BLOC1S3: variants seen among roughly 807,000 people sequenced by gnomAD.
The protein encoded by BLOC1S3 is biogenesis of lysosomal organelles complex 1 subunit 3, also known as biogenesis of lysosome-related organelles complex 1 subunit 3.
A neutral mutation model predicts 9.1 loss-of-function variants in BLOC1S3; 7 were observed. The observed-to-expected ratio is 0.77, with a 90% CI of 0.44 to 1.45. The LOEUF (loss-of-function observed/expected upper bound fraction) is 1.45. Among genes scored for constraint, BLOC1S3 ranks in the 40% most tolerant of loss-of-function variants. The probability of loss-of-function intolerance (pLI) is 0.01; values close to 1 mark genes in which losing one functional copy is unlikely to be tolerated. For missense variants in BLOC1S3, 307 were observed against 315.2 expected (o/e 0.97, Z 0.20); for synonymous variants, 145 against 158.4 (o/e 0.92, Z 0.64).
intron 3 of BLOC1S3, among the ~76,000 whole-genome samples, chr19:45,206,450 GTT>G (rs1054281226): frequency 2.5e-4 from 14 of 55,150 alleles, no homozygotes; most frequent in African/African-American, 1.1e-3. Context: ...GATTAATCAA[GTT>G]TTTTTTTTTT....
At position 45,180,144 on chromosome 19, in the gene BLOC1S3, G is replaced by A; in HGVS notation, c.*239G>A. The A allele has an allele frequency of 2.2e-6, 1 of 452,138 alleles. No homozygotes were observed. Among genetic ancestry groups the A allele is most frequent in the East Asian group, 3.8e-5 (1 of 26,420 alleles). 28.0% of individuals were successfully genotyped at this position (452,138 alleles called of 1,614,324 possible). A position where few individuals can be genotyped will look rare whatever the true frequency, so the allele number is the denominator to read the frequency against. On this transcript the variant is annotated 3_prime_UTR_variant, in exon 2 of 2. Coordinates refer to ENST00000433642, the MANE Select transcript of BLOC1S3 (RefSeq NM_212550.5). ...TGGTTCCTCTCCCGATCCTGACCCT[G>A]CCGCCTGGTTCTGAGCCTTCCCCTG...
At chr19:45,194,102 C>CAA (rs1969629626) in intron 2 of BLOC1S3, among the ~76,000 whole-genome samples, 1 of 45,118 alleles carries the variant, frequency 2.2e-5, no homozygotes, top group African/African-American at 1.2e-4. Context: ...CGCGCCTGGC[C>CAA]TTTTTTTTTT....
chr19:45,203,212 A>C (rs1480821805), intron 3 of BLOC1S3, among the ~76,000 whole-genome samples: 1 of 152,078 alleles, frequency 6.6e-6, no homozygotes, highest in African/African-American at 2.4e-5. Flanking sequence ...CCAGCAAGGC[A>C]CCAGGACTTG....
intron 2 of BLOC1S3, chr19:45,199,122 T>G (rs1969670591): frequency 6.6e-6 from 1 of 152,186 alleles, no homozygotes; most frequent in African/African-American, 2.4e-5. Flanking sequence ...GGGTTAAATC[T>G]GCCTAGTGTT....
At chr19:45,206,023 G>C (rs1204619146) in intron 3 of BLOC1S3, among the ~76,000 whole-genome samples, 1 of 152,004 alleles carries the variant, frequency 6.6e-6, no homozygotes, top group East Asian at 1.9e-4. Context: ...GACCAACTTG[G>C]GCAACATACT....
In BLOC1S3 at chr19:45,207,884, CTAA is replaced by C. The variant is rs1156364121; in HGVS notation, n.282+5379_282+5381del. Among the ~76,000 whole-genome samples, 5 of 151,898 alleles carry C rather than the reference CTAA, an allele frequency of 3.3e-5. No individual in the cohort carries two copies. The East Asian group carries it at 9.6e-4, about 29-fold the overall frequency. ...GGAAGATTAAGGTCTTAGAATTGAA[CTAA>C]TGTCAATGTCCTGTTTTGATGTTGT... On this transcript the variant is annotated intron_variant and non_coding_transcript_variant, in intron 3 of 3. Transcript: ENST00000591569.
intron 2 of BLOC1S3, among the ~76,000 whole-genome samples, chr19:45,188,074 G>A (rs1320173329): frequency 1.3e-5 from 2 of 152,122 alleles, no homozygotes; most frequent in Non-Finnish European, 2.9e-5. Flanking sequence ...CCAGGCTGGA[G>A]TGCAGCAGCG....
intron 3 of BLOC1S3, among the ~76,000 whole-genome samples, chr19:45,208,562 C>T (rs1171840769): frequency 1.3e-5 from 2 of 152,052 alleles, no homozygotes; most frequent in East Asian, 3.9e-4. Flanking sequence ...CGAGACCAGC[C>T]TGACCAACAG....
At chr19:45,204,626 T>TG (rs1223268787) in intron 3 of BLOC1S3, among the ~76,000 whole-genome samples, 4 of 152,204 alleles carry the variant, frequency 2.6e-5, no homozygotes, top group African/African-American at 9.6e-5. Context: ...TCAGTTGGGA[T>TG]GGCTAGATCA....
At chr19:45,188,472 C>CCTTTTTTTTTTTTT (rs1568472450) in intron 2 of BLOC1S3, among the ~76,000 whole-genome samples, 1 of 151,848 alleles carries the variant, frequency 6.6e-6, no homozygotes, top group African/African-American at 2.4e-5. Flanking sequence ...CAGCGCCCGG[C>CCTTTTTTTTTTTTT]TTCTTTTAGT....
chr19:45,203,643 A>G lies in BLOC1S3; in HGVS notation n.282+1136A>G, dbSNP rs1351789314. Among the ~76,000 whole-genome samples the G allele has an allele frequency of 3.9e-5, 6 of 152,220 alleles. No individual in the cohort carries two copies. In the East Asian group the frequency reaches 1.2e-3, roughly 29 times the overall value. On this transcript the variant is annotated intron_variant and non_coding_transcript_variant, in intron 3 of 3. Coordinates refer to the BLOC1S3 transcript ENST00000591569. Reference sequence around the variant, plus strand: ...GCATGCCAGAACTCAGGTTCTCACCACTAGAATAGATGATTTCCCTCTGTC... The same window carrying G: ...GCATGCCAGAACTCAGGTTCTCACCGCTAGAATAGATGATTTCCCTCTGTC...
chr19:45,209,682 A>G (rs926622743), intron 3 of BLOC1S3, among the ~76,000 whole-genome samples: 2 of 148,390 alleles, frequency 1.3e-5, no homozygotes, highest in African/African-American at 5.0e-5. Flanking sequence ...CGGCCTCCCA[A>G]AGTGCTGGGA....
At chr19:45,182,143 G>T (rs1969528972), downstream of BLOC1S3, among the ~76,000 whole-genome samples, 1 of 152,120 alleles carries the variant, frequency 6.6e-6, no homozygotes, top group South Asian at 2.1e-4. Flanking sequence ...AAATAGAGAT[G>T]ATAGCCTGGC....
intron 2 of BLOC1S3, among the ~76,000 whole-genome samples, chr19:45,197,026 G>T (rs1322322798): frequency 6.6e-6 from 1 of 152,054 alleles, no homozygotes; most frequent in Non-Finnish European, 1.5e-5. Flanking sequence ...GGCCCACGGG[G>T]TTTCCTGGGC....
At chr19:45,187,165 G>A (rs1455256336), upstream of BLOC1S3, among the ~76,000 whole-genome samples, 1 of 152,004 alleles carries the variant, frequency 6.6e-6, no homozygotes, top group Admixed American at 6.6e-5. Flanking sequence ...TCAGGGTCAG[G>A]GTCAGGGGCT....
At chr19:45,191,027 G>A (rs570760756) in intron 2 of BLOC1S3, among the ~76,000 whole-genome samples, 2 of 150,490 alleles carry the variant, frequency 1.3e-5, no homozygotes, top group Non-Finnish European at 3.0e-5. Context: ...GGATGGTCTC[G>A]ATCTCCTGAC....
chr19:45,186,716 C>A (rs1057154140), downstream of BLOC1S3, among the ~76,000 whole-genome samples: 36 of 151,250 alleles, frequency 2.4e-4, no homozygotes, highest in East Asian at 3.9e-4. Context: ...ACAACAACAA[C>A]AAAAAAAAAG....
At chr19:45,205,537 CTT>C (rs1471143715) in intron 3 of BLOC1S3, among the ~76,000 whole-genome samples, 2 of 152,170 alleles carry the variant, frequency 1.3e-5, no homozygotes, top group African/African-American at 2.4e-5. Flanking sequence ...AAATGCAAAA[CTT>C]AACATTTCTA....
rs1296231608 is a variant in BLOC1S3, at chr19:45,207,667, G to C, written n.282+5160G>C. On this transcript the variant is annotated intron_variant and non_coding_transcript_variant, in intron 3 of 3. Transcript: ENST00000591569. The stretch of plus-strand genomic sequence containing the variant: ...CACGAGAATTGCTTGAACCCAGGAG[G>C]TGGAGGTTGCAGAGAGCTGAGATCA... Among the ~76,000 whole-genome samples the C allele has an allele frequency of 8.6e-5, 13 of 151,554 alleles. 1 individual carries two copies. The East Asian group carries it at 2.5e-3, about 30-fold the overall frequency.
Sources: gnomAD v4.1 joint callset for allele counts (sites outside exome capture counted in the v4.1 genomes callset) on GRCh38, gnomAD v4.1.1 for gene constraint, MANE v1.5 for transcripts, NCBI Gene and HGNC (gene_info 2026-07-23, HGNC 2026-07-21) for gene names.